Variants in VWC2L observed in about 807,000 individuals in gnomAD.
VWC2L encodes von Willebrand factor C domain containing 2 like, also known as von Willebrand factor C domain-containing protein 2-like.
Under a neutral mutation model 21.6 loss-of-function variants are expected in VWC2L, and 10 were observed. The observed-to-expected ratio is 0.46, with a 90% CI of 0.29 to 0.78. VWC2L has a LOEUF of 0.78. VWC2L is among the 30% of genes least tolerant of loss of function. The probability of loss-of-function intolerance (pLI) is 0.10; values close to 1 mark genes in which losing one functional copy is unlikely to be tolerated. For missense variants in VWC2L, 209 were observed against 277.1 expected (o/e 0.75, Z 1.74); for synonymous variants, 96 against 94.3 (o/e 1.02, Z -0.10).
chr2:214,543,220 T>G (rs1190841917), intron 3 of VWC2L, among the ~76,000 whole-genome samples: 2 of 152,230 alleles, frequency 1.3e-5, no homozygotes, highest in Non-Finnish European at 2.9e-5. Flanking sequence ...AGAAATGGTT[T>G]CATTAACACA....
intron 3 of VWC2L, among the ~76,000 whole-genome samples, chr2:214,547,096 G>A (rs745840263): frequency 6.6e-5 from 10 of 152,210 alleles, no homozygotes; most frequent in African/African-American, 1.4e-4. Context: ...TCAAGCTAGC[G>A]GCATTTTTAA....
At chr2:214,550,936 C>A (rs1023004123) in intron 3 of VWC2L, among the ~76,000 whole-genome samples, 1 of 152,116 alleles carries the variant, frequency 6.6e-6, no homozygotes, top group Non-Finnish European at 1.5e-5. Flanking sequence ...TCTTCACCAG[C>A]CCTCTCTTCA....
intron 3 of VWC2L, among the ~76,000 whole-genome samples, chr2:214,544,708 G>A (rs1689678952): frequency 6.6e-6 from 1 of 152,002 alleles, no homozygotes; most frequent in African/African-American, 2.4e-5. Context: ...CTATAATAGG[G>A]GACACTACTA....
At chr2:214,504,259 C>T (rs1045587897) in intron 3 of VWC2L, among the ~76,000 whole-genome samples, 2 of 152,074 alleles carry the variant, frequency 1.3e-5, no homozygotes, top group South Asian at 2.1e-4. Flanking sequence ...ACAGAAAATG[C>T]GAGATAGTTT....
At chr2:214,543,788 G>A (rs1689663600) in intron 3 of VWC2L, among the ~76,000 whole-genome samples, 1 of 152,132 alleles carries the variant, frequency 6.6e-6, no homozygotes, top group Admixed American at 6.5e-5. Context: ...TGATTCTAAA[G>A]TGCTAAGTGG....
chr2:214,535,720 T>C (rs1045638861), intron 3 of VWC2L, among the ~76,000 whole-genome samples: 5 of 151,950 alleles, frequency 3.3e-5, no homozygotes, highest in Admixed American at 1.3e-4. Context: ...AGTACTTAGA[T>C]CAATTAGATA....
At chr2:214,476,406 A>G (rs1688525340) in intron 3 of VWC2L, among the ~76,000 whole-genome samples, 1 of 152,216 alleles carries the variant, frequency 6.6e-6, no homozygotes, top group African/African-American at 2.4e-5. Flanking sequence ...ATAGTATAGT[A>G]ATTGCAGAAA....
chr2:214,522,856 A>C (rs1489755883), intron 3 of VWC2L, among the ~76,000 whole-genome samples: 1 of 152,158 alleles, frequency 6.6e-6, no homozygotes, highest in Admixed American at 6.5e-5. Flanking sequence ...TTAAATATTT[A>C]TATTGAGAAC....
chr2:214,456,960 G>T (rs925433155), intron 3 of VWC2L, among the ~76,000 whole-genome samples: 7 of 152,000 alleles, frequency 4.6e-5, no homozygotes, highest in Admixed American at 2.6e-4. Context: ...ACAGCATGAT[G>T]TTTTGGTTAT....
intron 3 of VWC2L, among the ~76,000 whole-genome samples, chr2:214,495,479 G>C (rs1469675338): frequency 6.6e-6 from 1 of 152,090 alleles, no homozygotes; most frequent in South Asian, 2.1e-4. Context: ...ATAAATCCAG[G>C]GGTCTTTCAA....
At chr2:214,466,086 A>G (rs930782051) in intron 3 of VWC2L, among the ~76,000 whole-genome samples, 2 of 152,114 alleles carry the variant, frequency 1.3e-5, no homozygotes, top group African/African-American at 4.8e-5. Flanking sequence ...TGTTAAGACC[A>G]GGTATTGTAA....
At chr2:214,460,450 C>A in intron 3 of VWC2L, among the ~76,000 whole-genome samples, 1 of 152,020 alleles carries the variant, frequency 6.6e-6, no homozygotes, top group Non-Finnish European at 1.5e-5. Flanking sequence ...TTCTTCATTC[C>A]TTTTTATTCT....
At chr2:214,427,145 G>A (rs965442688) in intron 2 of VWC2L, among the ~76,000 whole-genome samples, 1 of 152,124 alleles carries the variant, frequency 6.6e-6, no homozygotes, top group Non-Finnish European at 1.5e-5. Flanking sequence ...TCTTAGAAAT[G>A]CACACTCTCT....
chr2:214,550,378 A>G (rs1406921708), intron 3 of VWC2L, among the ~76,000 whole-genome samples: 1 of 152,086 alleles, frequency 6.6e-6, no homozygotes, highest in Non-Finnish European at 1.5e-5. Flanking sequence ...AAACTTCAAA[A>G]CAGTCTCAAT....
intron 3 of VWC2L, among the ~76,000 whole-genome samples, chr2:214,492,000 ACACTT>A (rs1477025388): frequency 2.0e-5 from 3 of 152,186 alleles, no homozygotes; most frequent in Non-Finnish European, 4.4e-5. Flanking sequence ...TTTTTATTTG[ACACTT>A]CACTTTTTTT....
chr2:214,511,157 T>C (rs1041616064), intron 3 of VWC2L, among the ~76,000 whole-genome samples: 2 of 152,056 alleles, frequency 1.3e-5, no homozygotes, highest in Admixed American at 1.3e-4. Context: ...TGCAGCTACA[T>C]GGGAGGCCAA....
intron 3 of VWC2L, among the ~76,000 whole-genome samples, chr2:214,438,523 T>G (rs2126179437): frequency 6.6e-6 from 1 of 152,220 alleles, no homozygotes; most frequent in East Asian, 1.9e-4. Context: ...TAGTTAAAAT[T>G]TCTTGTCTAG....
chr2:214,531,187 A>G (rs973900885), intron 3 of VWC2L, among the ~76,000 whole-genome samples: 1 of 152,170 alleles, frequency 6.6e-6, no homozygotes, highest in Non-Finnish European at 1.5e-5. Context: ...TGAGTTGGGA[A>G]TCACAGGAAA....
rs541388425 is a variant in VWC2L, at chr2:214,574,347, G to T, written c.521-1325G>T. On this transcript the variant is annotated intron_variant, in intron 3 of 3. Coordinates refer to ENST00000312504, the MANE Select transcript of VWC2L (RefSeq NM_001080500.4). The stretch of plus-strand genomic sequence containing the variant: ...ACTGGTAAGTGTATGCACTATTGAG[G>T]TCTGGGAGCTCTGAAACAATGGGCA... Among the ~76,000 whole-genome samples the T allele has an allele frequency of 2.6e-5, 4 of 152,264 alleles. No individual in the cohort carries two copies. In the South Asian group the frequency reaches 8.3e-4, roughly 32 times the overall value.
Sources: allele counts gnomAD v4.1 joint callset (sites outside exome capture counted in the v4.1 genomes callset), GRCh38; gene constraint gnomAD v4.1.1; transcripts MANE v1.5; gene names NCBI Gene and HGNC (gene_info 2026-07-23, HGNC 2026-07-21).